IPCEF1: variants seen among roughly 807,000 people sequenced by gnomAD.
IPCEF1 encodes interaction protein for cytohesin exchange factors 1, also known as interactor protein for cytohesin exchange factors 1.
In IPCEF1, 31 loss-of-function variants were observed where a neutral mutation model predicts 50.9. The observed-to-expected ratio is 0.61, with a 90% CI of 0.46 to 0.82. The LOEUF (loss-of-function observed/expected upper bound fraction) is 0.82. Ranked by LOEUF, IPCEF1 falls within the 40% of genes least tolerant of loss-of-function variation. The pLI is 0.00. For missense variants in IPCEF1, 458 were observed against 514.0 expected, an observed-to-expected ratio of 0.89 and a Z score of 1.05; for synonymous variants, 181 against 192.0, an observed-to-expected ratio of 0.94 and a Z score of 0.47.
At chr6:154,313,332 G>A (rs973012075) in intron 1 of IPCEF1, among the ~76,000 whole-genome samples, 2 of 150,518 alleles carry the variant, frequency 1.3e-5, no homozygotes, top group Non-Finnish European at 2.9e-5. Flanking sequence ...CTGAGATCGC[G>A]CCACTCCACT....
intron 6 of IPCEF1, 116 bp from the exon 7 acceptor site, chr6:154,221,444 T>C: frequency 2.6e-6 from 2 of 780,840 alleles, no homozygotes; most frequent in Non-Finnish European, 4.2e-6. Flanking sequence ...CTTTGTAAAT[T>C]TACAAAAAAT....
intron 3 of IPCEF1, among the ~76,000 whole-genome samples, chr6:154,255,245 T>C (rs1392385535): frequency 6.6e-6 from 1 of 152,208 alleles, no homozygotes; most frequent in African/African-American, 2.4e-5. Context: ...TGAGGATCCA[T>C]AGGCAGTAAA....
intron 1 of IPCEF1, among the ~76,000 whole-genome samples, chr6:154,342,886 G>C (rs540134862): frequency 6.6e-6 from 1 of 152,232 alleles, no homozygotes; most frequent in African/African-American, 2.4e-5. Flanking sequence ...GCTGAGGCCA[G>C]TGGATCACCT....
chr6:154,352,324 C>G (rs925027975), intron 1 of IPCEF1, among the ~76,000 whole-genome samples: 5 of 152,182 alleles, frequency 3.3e-5, no homozygotes, highest in African/African-American at 1.2e-4. Flanking sequence ...TGTTGGGAAT[C>G]CTATCTTGCT....
chr6:154,219,985 AGTGTGTGTGTGTGTGT>A (rs57450665), intron 7 of IPCEF1, among the ~76,000 whole-genome samples: 27 of 140,052 alleles, frequency 1.9e-4, no homozygotes, highest in Admixed American at 1.1e-3. Flanking sequence ...ACCTGTAAGG[AGTGTGTGTGTGTGTGT>A]GTGTGTGTGT....
intron 10 of IPCEF1, among the ~76,000 whole-genome samples, chr6:154,187,105 T>C (rs1402171031): frequency 6.6e-6 from 1 of 151,218 alleles, no homozygotes; most frequent in Non-Finnish European, 1.5e-5. Context: ...TGACTGCACT[T>C]GTTGTGTTTT....
chr6:154,256,298 T>A (rs1037437806), intron 3 of IPCEF1, among the ~76,000 whole-genome samples: 1 of 152,190 alleles, frequency 6.6e-6, no homozygotes, highest in African/African-American at 2.4e-5. Context: ...ATCTCATTCA[T>A]CAGGGTGAAG....
chr6:154,265,568 C>T (rs1437416787), intron 3 of IPCEF1, among the ~76,000 whole-genome samples: 3 of 152,098 alleles, frequency 2.0e-5, no homozygotes. Flanking sequence ...CATGAGCCAC[C>T]GTGCCCAGCC....
intron 10 of IPCEF1, among the ~76,000 whole-genome samples, chr6:154,193,822 T>C (rs891991381): frequency 6.6e-6 from 1 of 152,218 alleles, no homozygotes; most frequent in African/African-American, 2.4e-5. Flanking sequence ...GCATCAAACA[T>C]GACAATACTC....
chr6:154,212,281 T>C (rs950265841), intron 9 of IPCEF1, among the ~76,000 whole-genome samples: 2 of 152,220 alleles, frequency 1.3e-5, no homozygotes, highest in African/African-American at 2.4e-5. Context: ...TCCTCTCTAG[T>C]GAATACACAA....
intron 10 of IPCEF1, among the ~76,000 whole-genome samples, chr6:154,188,332 ATTT>A (rs1801565551): frequency 6.6e-6 from 1 of 152,244 alleles, no homozygotes; most frequent in Admixed American, 6.5e-5. Flanking sequence ...AAATTGTGAA[ATTT>A]ATTATAAGAT....
At chr6:154,238,970 T>A (rs1449317766) in intron 5 of IPCEF1, among the ~76,000 whole-genome samples, 1 of 152,068 alleles carries the variant, frequency 6.6e-6, no homozygotes, top group Non-Finnish European at 1.5e-5. Context: ...ACAAAAGTAC[T>A]ATGCACTGTC....
intron 1 of IPCEF1, among the ~76,000 whole-genome samples, chr6:154,336,782 T>A (rs940035224): frequency 2.6e-5 from 4 of 152,080 alleles, no homozygotes; most frequent in Admixed American, 2.0e-4. Context: ...TTTTTAAAAA[T>A]TTTTTGTTGA....
intron 9 of IPCEF1, among the ~76,000 whole-genome samples, chr6:154,211,322 T>C (rs935054239): frequency 1.3e-5 from 2 of 150,930 alleles, no homozygotes; most frequent in Admixed American, 6.6e-5. Flanking sequence ...GGCAGGAGAA[T>C]GGTGTGAACC....
At chr6:154,314,637 T>C (rs1045974225) in intron 1 of IPCEF1, among the ~76,000 whole-genome samples, 3 of 152,204 alleles carry the variant, frequency 2.0e-5, no homozygotes, top group Non-Finnish European at 4.4e-5. Context: ...CTGTTTCTAA[T>C]TGAATTCTCG....
chr6:154,316,352 ATACT>A (rs1472116227), intron 1 of IPCEF1, among the ~76,000 whole-genome samples: 5 of 152,204 alleles, frequency 3.3e-5, no homozygotes, highest in Admixed American at 6.5e-5. Context: ...CTTTATTGTG[ATACT>A]TACTTTATTG....
At chr6:154,291,900 G>T (rs1247881972) in intron 1 of IPCEF1, among the ~76,000 whole-genome samples, 1 of 151,954 alleles carries the variant, frequency 6.6e-6, no homozygotes, top group East Asian at 1.9e-4. Flanking sequence ...AGCCAGGGTG[G>T]TCTGGATCTC....
At chr6:154,264,603 A>C (rs1016088305) in intron 3 of IPCEF1, among the ~76,000 whole-genome samples, 2 of 152,012 alleles carry the variant, frequency 1.3e-5, no homozygotes, top group African/African-American at 4.8e-5. Context: ...AAATCTCCTG[A>C]CCTCAAGTGA....
At chr6:154,351,775 A>C (rs1784123589) in intron 1 of IPCEF1, among the ~76,000 whole-genome samples, 1 of 152,188 alleles carries the variant, frequency 6.6e-6, no homozygotes, top group Non-Finnish European at 1.5e-5. Flanking sequence ...ATTTCCCAGA[A>C]CTGTTTTAAG....
Sources: allele counts gnomAD v4.1 joint callset (sites outside exome capture counted in the v4.1 genomes callset), GRCh38; gene constraint gnomAD v4.1.1; transcripts MANE v1.5; gene names NCBI Gene and HGNC (gene_info 2026-07-23, HGNC 2026-07-21).